MYO16: variants seen among roughly 807,000 people sequenced by gnomAD.
MYO16 encodes the protein unconventional myosin-XVI.
MYO16 carries 94 observed loss-of-function variants against 205.3 expected under a neutral mutation model. That is an observed-to-expected ratio of 0.46 (90% CI 0.39 to 0.54). MYO16 has a LOEUF of 0.54. MYO16 is among the 20% of genes least tolerant of loss of function. The pLI, the probability that MYO16 is intolerant of heterozygous loss-of-function variation, is 0.00. For missense variants in MYO16, 2,315 were observed against 2,387.5 expected, an observed-to-expected ratio of 0.97 and a Z score of 0.63; for synonymous variants, 988 against 954.0, an observed-to-expected ratio of 1.04 and a Z score of -0.66.
the MYO16 span, among the ~76,000 whole-genome samples, chr13:108,566,026 C>T: frequency 6.6e-6 from 1 of 151,330 alleles, no homozygotes; most frequent in East Asian, 1.9e-4. Context: ...GTTTTGTTAT[C>T]AGAGTAATAC....
At chr13:108,647,198 AG>A (rs1178072564) in intron 1 of MYO16, among the ~76,000 whole-genome samples, 2 of 152,118 alleles carry the variant, frequency 1.3e-5, no homozygotes, top group African/African-American at 4.8e-5. Flanking sequence ...CATCTCTCAA[AG>A]GTTCTTTCTC....
At chr13:108,574,116 G>T in the MYO16 span, among the ~76,000 whole-genome samples, 2 of 152,172 alleles carry the variant, frequency 1.3e-5, no homozygotes, top group African/African-American at 2.4e-5. Context: ...GCCTCCTAAA[G>T]TGCTGCGATT....
rs1426537496 is a variant in MYO16, at chr13:109,140,468, C to T, written c.4256C>T (p.Pro1419Leu). Residue 1419 changes from proline (P) to leucine (L), a missense_variant, in exon 32 of 35, where the codon CCC (proline) becomes CTC (leucine). Coordinates refer to ENST00000457511, the MANE Select transcript of MYO16 (RefSeq NM_001198950.3). This position sits in a 1 kb window ranked among gnomAD's most constrained non-coding sequence, Gnocchi z 8.0. ...LTPGTPQCAL[P>L]PAAPPGDEDD... The stretch of plus-strand genomic sequence containing the variant: ...CCCGGGACTCCGCAGTGCGCGCTGC[C>T]CCCGGCGGCGCCTCCGGGTGACGAG... 3 of 1,537,530 alleles carry T rather than the reference C, an allele frequency of 2.0e-6. No individual in the cohort carries two copies. The highest frequency in any genetic ancestry group is 2.6e-6 in the Non-Finnish European group (3 of 1,150,726).
chr13:108,693,474 A>C (rs999002568), intron 2 of MYO16, among the ~76,000 whole-genome samples: 1 of 152,202 alleles, frequency 6.6e-6, no homozygotes, highest in African/African-American at 2.4e-5. Context: ...TTTATGTAAG[A>C]GAAATTACAC....
intron 27 of MYO16, among the ~76,000 whole-genome samples, chr13:109,059,758 G>C (rs1010948643): frequency 5.9e-5 from 9 of 152,102 alleles, no homozygotes; most frequent in Non-Finnish European, 1.3e-4. Flanking sequence ...AAGCTCTTTA[G>C]TTTATTTAGA....
intron 16 of MYO16, among the ~76,000 whole-genome samples, chr13:108,923,052 G>A (rs1002893715): frequency 1.3e-5 from 2 of 152,148 alleles, no homozygotes; most frequent in South Asian, 4.1e-4. Flanking sequence ...CTTCTCTTAC[G>A]CACTTCACAA....
At chr13:108,539,613 C>T in the MYO16 span, among the ~76,000 whole-genome samples, 107 of 152,104 alleles carry the variant, frequency 7.0e-4, no homozygotes, top group Non-Finnish European at 1.1e-3. Context: ...AGATATTTCT[C>T]GCATTGAAAA....
chr13:109,184,624 A>G (rs1879602734), intron 34 of MYO16, among the ~76,000 whole-genome samples: 1 of 152,082 alleles, frequency 6.6e-6, no homozygotes, highest in Non-Finnish European at 1.5e-5. Context: ...TGTTTGAGAT[A>G]GTCTCCCTCT....
At chr13:108,567,568 C>T in the MYO16 span, among the ~76,000 whole-genome samples, 1 of 152,146 alleles carries the variant, frequency 6.6e-6, no homozygotes, top group Non-Finnish European at 1.5e-5. Context: ...ATACTCATGG[C>T]ATCTCTTTGC....
intron 34 of MYO16, among the ~76,000 whole-genome samples, chr13:109,206,189 T>C (rs1328303217): frequency 6.6e-6 from 1 of 152,158 alleles, no homozygotes. Context: ...TGTGGACAGA[T>C]GGAGGAGCAG....
intron 4 of MYO16, among the ~76,000 whole-genome samples, chr13:108,728,985 C>CT (rs138750767): frequency 0.92 from 132,894 of 144,690 alleles, 61,745 homozygotes; most frequent in East Asian, 0.99. Context: ...TGTACACTTT[C>CT]TTTTTTTTTT....
In MYO16 at chr13:108,838,507, A is replaced by T. The variant is rs200406345; in HGVS notation, c.1098-5836A>T. Among the ~76,000 whole-genome samples the T allele has an allele frequency of 9.5e-4, 128 of 135,144 alleles. 3 individuals are homozygous for T. The East Asian group carries it at 0.022, about 24-fold the overall frequency. 88.7% of individuals were successfully genotyped at this position (135,144 alleles called of 152,430 possible). ...TGAAACCCTGTCTCTAGTAAAAATT[A>T]AAAAAAAAAAAAAAGCTTGGCATGG... On this transcript the variant is annotated intron_variant, in intron 9 of 34. Transcript: ENST00000457511.
intron 34 of MYO16, among the ~76,000 whole-genome samples, chr13:109,196,398 A>T (rs1303227575): frequency 6.6e-6 from 1 of 152,164 alleles, no homozygotes; most frequent in Admixed American, 6.5e-5. Context: ...TAATAAATAG[A>T]AGGGAATTTG....
chr13:108,839,170 C>A (rs547558348), intron 9 of MYO16, among the ~76,000 whole-genome samples: 1 of 152,002 alleles, frequency 6.6e-6, no homozygotes, highest in Non-Finnish European at 1.5e-5. Context: ...AGAGTGCTAG[C>A]TCATGCCTCT....
At chr13:109,083,513 A>G (rs1436514260) in intron 27 of MYO16, among the ~76,000 whole-genome samples, 1 of 150,598 alleles carries the variant, frequency 6.6e-6, no homozygotes, top group Non-Finnish European at 1.5e-5. Flanking sequence ...GGTGCTGGGT[A>G]GAAGAAAGAT....
At chr13:108,948,292 A>G (rs1314122042) in intron 16 of MYO16, among the ~76,000 whole-genome samples, 2 of 152,256 alleles carry the variant, frequency 1.3e-5, no homozygotes, top group South Asian at 2.1e-4. Flanking sequence ...TCTGCGCACA[A>G]TAGAGAAGAC....
At chr13:108,677,331 GTGTGTA>G (rs1320697028) in intron 2 of MYO16, among the ~76,000 whole-genome samples, 1,572 of 126,480 alleles carry the variant, frequency 0.012, 23 homozygotes, top group African/African-American at 0.043. Context: ...GTGTGTGTGT[GTGTGTA>G]TATATATATA....
intron 32 of MYO16, among the ~76,000 whole-genome samples, chr13:109,160,565 A>G (rs968199612): frequency 4.6e-5 from 7 of 152,212 alleles, no homozygotes; most frequent in Admixed American, 3.3e-4. Context: ...GATGCCACTG[A>G]ACTACACAAC....
chr13:108,728,401 G>T (rs1257642420), intron 4 of MYO16, among the ~76,000 whole-genome samples: 1 of 151,152 alleles, frequency 6.6e-6, no homozygotes, highest in Admixed American at 6.6e-5. Flanking sequence ...TCACTGAGCC[G>T]TGCTACCAAT....
Sources: allele counts gnomAD v4.1 joint callset (sites outside exome capture counted in the v4.1 genomes callset), GRCh38; gene constraint gnomAD v4.1.1; non-coding constraint Gnocchi (gnomAD v3.1); transcripts MANE v1.5; gene names NCBI Gene and HGNC (gene_info 2026-07-23, HGNC 2026-07-21).